Variants in ASTN1 observed in about 807,000 individuals in gnomAD.
ASTN1 encodes the protein astrotactin-1.
Under a neutral mutation model 140.7 loss-of-function variants are expected in ASTN1, and 41 were observed. That is an observed-to-expected ratio of 0.29 (90% CI 0.23 to 0.38). ASTN1 has a LOEUF of 0.38. ASTN1 is among the 10% of genes least tolerant of loss of function. The pLI is 1.00. For synonymous variants in ASTN1, 640 were observed against 652.2 expected (o/e 0.98, Z 0.29); for missense variants, 1,479 against 1,678.8 (o/e 0.88, Z 2.08).
At chr1:177,104,902 G>C (rs1169690759) in intron 1 of ASTN1, among the ~76,000 whole-genome samples, 2 of 152,168 alleles carry the variant, frequency 1.3e-5, no homozygotes, top group African/African-American at 4.8e-5. Context: ...GGGCCTTACT[G>C]TTATCCTTTC....
chr1:176,932,353 A>G lies in ASTN1; in HGVS notation c.2671+1799T>C, dbSNP rs550986636. On this transcript the variant is annotated intron_variant, in intron 16 of 22. Transcript: ENST00000361833. Reference sequence around the variant, plus strand: ...CTCTCAGAGAGCAGGACAGAAGAATATCTCCCTTTGTCTTACGCACGTATC... The same window carrying G: ...CTCTCAGAGAGCAGGACAGAAGAATGTCTCCCTTTGTCTTACGCACGTATC... Among the ~76,000 whole-genome samples the G allele has an allele frequency of 3.5e-4, 53 of 152,272 alleles. 2 individuals carry two copies. In the South Asian group the frequency reaches 0.011, roughly 31 times the overall value.
intron 16 of ASTN1, among the ~76,000 whole-genome samples, chr1:176,927,671 T>C (rs1302203560): frequency 6.6e-6 from 1 of 152,248 alleles, no homozygotes; most frequent in Non-Finnish European, 1.5e-5. Flanking sequence ...CCAGGCACTG[T>C]GTCAGGGATG....
chr1:176,960,099 C>T (rs1430711373), intron 9 of ASTN1, among the ~76,000 whole-genome samples: 3 of 152,098 alleles, frequency 2.0e-5, no homozygotes, highest in Admixed American at 2.0e-4. Flanking sequence ...GATTAAGGAG[C>T]CCATTCAGGG....
At chr1:177,149,221 A>AATATATATATAC (rs1682875611) in intron 1 of ASTN1, among the ~76,000 whole-genome samples, 1 of 98,792 alleles carries the variant, frequency 1.0e-5, no homozygotes, top group African/African-American at 5.5e-5. Context: ...TATATAGTAA[A>AATATATATATAC]TATATATAGT....
chr1:176,944,564 T>C (rs868484757), intron 13 of ASTN1, among the ~76,000 whole-genome samples: 36 of 152,254 alleles, frequency 2.4e-4, no homozygotes, highest in African/African-American at 8.2e-4. Context: ...GTAAATGGCC[T>C]CCCAATGTAA....
chr1:176,965,200 G>C lies in ASTN1; in HGVS notation c.1561C>G (p.Leu521Val). 5.6e-6 allele frequency: 9 copies of C among 1,613,972 alleles called. No individual in the cohort carries two copies. Among genetic ancestry groups the C allele is most frequent in the Non-Finnish European group, 7.6e-6 (9 of 1,179,892 alleles). ...TCAGAGGGCTGCTCTCCCAAAACCA[G>C]GTCAAAGCCTCGCTGAAATATTGTG... The part of the protein sequence containing the change: ...PYTIFQRGFD[L>V]VLGEQPSDKI... The change falls in exon 9 of 23, where the codon CTG (leucine) becomes GTG (valine). Residue 521 changes from leucine (L) to valine (V), a missense_variant. Around this residue, in one of 3 missense-constraint regions of ASTN1, gnomAD observed 729 missense variants for 860.4 expected, o/e 0.85. Transcript: ENST00000361833.
intron 1 of ASTN1, among the ~76,000 whole-genome samples, chr1:177,067,163 T>C (rs1678403199): frequency 6.6e-6 from 1 of 151,942 alleles, no homozygotes; most frequent in African/African-American, 2.4e-5. Flanking sequence ...GGAGGACAAA[T>C]AAGATGCACT....
rs796183608 is a variant in ASTN1 at position 176,985,239 on chromosome 1, T to C, written c.1524-20002A>G. On this transcript the variant is annotated intron_variant, in intron 8 of 22. Coordinates refer to ENST00000361833, the MANE Select transcript of ASTN1 (RefSeq NM_004319.3). ...TTTTCCTATGCCAAGGAATTATCAG[T>C]GAGGAAGACCCAGAGTTTCTTCTCC... is the stretch of plus-strand genomic sequence containing the variant. Among the ~76,000 whole-genome samples the C allele has an allele frequency of 8.5e-5, 13 of 152,282 alleles. 1 individual carries two copies. The highest frequency in any genetic ancestry group is 2.9e-4 in the African/African-American group (12 of 41,572).
At chr1:177,005,982 T>A (rs763586328) in intron 8 of ASTN1, among the ~76,000 whole-genome samples, 25 of 152,188 alleles carry the variant, frequency 1.6e-4, no homozygotes, top group Non-Finnish European at 2.8e-4. Context: ...TGTAATGCAT[T>A]AAATATGGTG....
intron 1 of ASTN1, among the ~76,000 whole-genome samples, chr1:177,081,002 T>C (rs1450988635): frequency 1.3e-5 from 2 of 152,206 alleles, no homozygotes; most frequent in African/African-American, 4.8e-5. Context: ...TAAAATATAA[T>C]TGACTCACGA....
chr1:177,008,511 G>GAGGGAGACAGGAAGAGAGAA (rs1346523604), intron 8 of ASTN1, among the ~76,000 whole-genome samples: 1 of 150,040 alleles, frequency 6.7e-6, no homozygotes, highest in African/African-American at 2.5e-5. Context: ...GGAAGAGAGA[G>GAGGGAGACAGGAAGAGAGAA]CGGGAGATAG....
chr1:176,897,764 T>C (rs577029294), intron 16 of ASTN1, among the ~76,000 whole-genome samples: 1 of 152,232 alleles, frequency 6.6e-6, no homozygotes, highest in African/African-American at 2.4e-5. Flanking sequence ...GATGACAGGA[T>C]AATTAAAGGA....
At chr1:176,987,964 C>T (rs1571610961) in intron 8 of ASTN1, among the ~76,000 whole-genome samples, 4 of 152,134 alleles carry the variant, frequency 2.6e-5, no homozygotes, top group Admixed American at 2.6e-4. Context: ...GAGAATAACC[C>T]CAAAGTTTCT....
In ASTN1 at chr1:176,965,224, T is replaced by C; in HGVS notation, c.1537A>G (p.Thr513Ala). ...WGTNQGPWPY[T>A]IFQRGFDLVL... is the part of the protein sequence containing the mutation. ...AGGTCAAAGCCTCGCTGAAATATTG[T>C]GTAAGGCCATGGCCTAAAAGAAGAA... The change falls in exon 9 of 23, where the codon ACA becomes GCA. Residue 513 changes from threonine (T) to alanine (A), a missense_variant. Transcript: ENST00000361833. 1 of 1,613,968 alleles carries C rather than the reference T, an allele frequency of 6.2e-7. No individual in the cohort carries two copies. The highest frequency in any genetic ancestry group is 8.5e-7 in the Non-Finnish European group (1 of 1,179,858).
rs572422843 is a variant in ASTN1 at position 176,946,503 on chromosome 1, T to C, written c.2055-383A>G. Among the ~76,000 whole-genome samples the C allele has an allele frequency of 1.6e-4, 25 of 152,282 alleles. No homozygotes were observed. In the South Asian group the frequency reaches 4.8e-3, roughly 29 times the overall value. On this transcript the variant is annotated intron_variant, in intron 12 of 22. Coordinates refer to ENST00000361833, the MANE Select transcript of ASTN1 (RefSeq NM_004319.3). ...GAGCTTTTCTTAAGAACCATCTACA[T>C]GGTCAGACCCTGCATTTGTTTGAAG...
chr1:177,109,411 A>C (rs2102150562), intron 1 of ASTN1, among the ~76,000 whole-genome samples: 1 of 152,186 alleles, frequency 6.6e-6, no homozygotes, highest in Admixed American at 6.5e-5. Context: ...TAAGGGAGAG[A>C]AATCACACTT....
At chr1:176,982,552 C>A (rs1022858534) in intron 8 of ASTN1, among the ~76,000 whole-genome samples, 13 of 152,128 alleles carry the variant, frequency 8.5e-5, no homozygotes, top group African/African-American at 2.9e-4. Flanking sequence ...CCACCCTGAA[C>A]GTGCTTTATC....
intron 1 of ASTN1, among the ~76,000 whole-genome samples, chr1:177,086,469 C>A (rs1679474686): frequency 6.6e-6 from 1 of 152,022 alleles, no homozygotes; most frequent in Non-Finnish European, 1.5e-5. Context: ...TAAAAATGTT[C>A]CTCTTTGGGT....
intron 16 of ASTN1, among the ~76,000 whole-genome samples, chr1:176,929,644 C>G (rs1013563967): frequency 6.6e-6 from 1 of 152,166 alleles, no homozygotes; most frequent in Non-Finnish European, 1.5e-5. Context: ...GTCAGCTGTT[C>G]GTGCTGAGAA....
Sources: gnomAD v4.1 joint callset for allele counts (sites outside exome capture counted in the v4.1 genomes callset) on GRCh38, gnomAD v4.1.1 for gene constraint, gnomAD v4.1.1 regional missense constraint, MANE v1.5 for transcripts, NCBI Gene and HGNC (gene_info 2026-07-23, HGNC 2026-07-21) for gene names.